DDX21: variants seen among roughly 807,000 people sequenced by gnomAD.
The protein encoded by DDX21 is nucleolar RNA helicase 2.
In DDX21, 18 loss-of-function variants were observed where a neutral mutation model predicts 90.0. The observed-to-expected ratio is 0.20, with a 90% confidence interval of 0.14 to 0.30. The LOEUF is 0.30. DDX21 is among the 10% of genes least tolerant of loss of function. DDX21 has a pLI of 1.00. For missense variants in DDX21, 673 were observed against 944.5 expected, an observed-to-expected ratio of 0.71 and a Z score of 3.77; for synonymous variants, 294 against 318.0, an observed-to-expected ratio of 0.92 and a Z score of 0.80.
intron 8 of DDX21, among the ~76,000 whole-genome samples, chr10:68,971,140 T>A (rs1843022561): frequency 6.6e-6 from 1 of 151,774 alleles, no homozygotes; most frequent in African/African-American, 2.4e-5. Context: ...ATGTGCCACA[T>A]ATTATCATTT....
At chr10:68,972,517 G>A (rs371176029) in intron 9 of DDX21, among the ~76,000 whole-genome samples, 1 of 152,124 alleles carries the variant, frequency 6.6e-6, no homozygotes, top group East Asian at 1.9e-4. Context: ...TTGTTCCAAA[G>A]GTATTCCAAT....
At chr10:68,970,485 C>CT (rs35874790) in intron 8 of DDX21, 135 bp downstream of exon 8, 67,620 of 528,444 alleles carry the variant, frequency 0.13, 1,776 homozygotes, top group African/African-American at 0.15. Flanking sequence ...GAGGAAGCTA[C>CT]TTTTTTTTTT....
chr10:68,956,192 G>T lies in DDX21; in HGVS notation c.-34G>T, dbSNP rs766700538. ...TACCTCTTCCTCTCCACGCGGTTGAGAAGACCGGTCGGCCTGGGCAACCTG... is the reference window on the plus strand; with the variant it reads ...TACCTCTTCCTCTCCACGCGGTTGATAAGACCGGTCGGCCTGGGCAACCTG... On this transcript the variant is annotated 5_prime_UTR_variant, in exon 1 of 15. Coordinates refer to ENST00000354185, the MANE Select transcript of DDX21 (RefSeq NM_004728.4). 3.7e-6 allele frequency: 6 copies of T among 1,610,794 alleles called. No homozygotes were observed. In the South Asian group the frequency reaches 4.4e-5, roughly 12 times the overall value.
rs775301336 is a variant in DDX21, at chr10:68,981,562, C to G, written c.2063C>G (p.Ala688Gly). Residue 688 changes from alanine to glycine, a missense_variant, in exon 14 of 15, where the codon GCA (alanine) becomes GGA (glycine). By Grantham distance (60) the Ala-to-Gly change is moderately conservative (BLOSUM62 0). Around this residue, in one of 4 missense-constraint regions of DDX21, gnomAD observed 225 missense variants for 298.8 expected, o/e 0.75. Coordinates refer to ENST00000354185, the MANE Select transcript of DDX21 (RefSeq NM_004728.4). ...KLGVCFDVPT[A>G]SVTEIQEKWH... is the part of the protein sequence containing the mutation. ...GGTGTTTGCTTTGATGTACCTACCG[C>G]ATCAGTAACAGAAATACAGGTATTC... The G allele has an allele frequency of 6.2e-7, 1 of 1,612,714 alleles. No individual in the cohort carries two copies. Among genetic ancestry groups the G allele is most frequent in the Non-Finnish European group, 8.5e-7 (1 of 1,179,522 alleles).
chr10:68,979,314 T>G (rs1273145190), intron 13 of DDX21, among the ~76,000 whole-genome samples: 1 of 152,176 alleles, frequency 6.6e-6, no homozygotes, highest in Admixed American at 6.5e-5. Flanking sequence ...GAATTCAAAT[T>G]AAAAATGAAA....
Position 68,978,891 on chromosome 10 carries a change from G to A in DDX21, c.1952G>A (p.Ser651Asn). 1 of 1,614,146 alleles carries A rather than the reference G, an allele frequency of 6.2e-7. No homozygotes were observed. The highest frequency in any genetic ancestry group is 1.1e-5 in the South Asian group (1 of 91,072). Residue 651 changes from serine (S) to asparagine (N), a missense_variant, in exon 13 of 15, where the codon AGT (serine) becomes AAT (asparagine). Transcript: ENST00000354185. ...TGCTCAATTGAAATGCCAAATATTA[G>A]TTATGCTTGGAAAGAACTTAAAGAG... ...LQCSIEMPNI[S>N]YAWKELKEQL...
chr10:68,973,823 C>T (rs904156451), intron 10 of DDX21, among the ~76,000 whole-genome samples, 159 bp downstream of exon 10: 5 of 151,962 alleles, frequency 3.3e-5, no homozygotes, highest in African/African-American at 1.2e-4. Flanking sequence ...GATAAAAGGC[C>T]CATTCTGAAG....
chr10:68,968,900 G>A (rs1842980423), intron 6 of DDX21, 76 bp from the exon 7 acceptor site: 20 of 1,518,490 alleles, frequency 1.3e-5, no homozygotes, highest in Admixed American at 4.0e-5. Context: ...GACTGTGGAA[G>A]TATTAGGTTA....
chr10:68,974,685 C>T lies in DDX21; in HGVS notation c.1684C>T (p.Arg562Ter), dbSNP rs1291688259. 1 of 1,613,876 alleles carries T rather than the reference C, an allele frequency of 6.2e-7. No individual in the cohort carries two copies. Among genetic ancestry groups the T allele is most frequent in the Non-Finnish European group, 8.5e-7 (1 of 1,179,906 alleles). The change falls in exon 11 of 15, where the codon CGA becomes TGA. Residue 562 changes from arginine to a stop codon, truncating the protein, a stop_gained. Transcript: ENST00000354185. LOFTEE classifies it high-confidence loss of function. ...VEQKAGIKFK[R>*]IGVPSATEII... ...TTTCCTGTAGGGAATTAAGTTCAAA[C>T]GAATAGGTGTTCCTTCTGCAACAGA... is the stretch of plus-strand genomic sequence containing the variant.
At chr10:68,960,303 A>G (rs1205493029) in intron 2 of DDX21, 54 bp downstream of exon 2, 3 of 1,519,250 alleles carry the variant, frequency 2.0e-6, no homozygotes, top group Non-Finnish European at 2.6e-6. Flanking sequence ...TTTCAGATAA[A>G]TAAGTAGGTA....
Position 68,984,482 on chromosome 10 carries a change from A to T in DDX21, c.*1670A>T, listed in dbSNP as rs563279519. On this transcript the variant is annotated 3_prime_UTR_variant, in exon 15 of 15. Coordinates refer to ENST00000354185, the MANE Select transcript of DDX21 (RefSeq NM_004728.4). ...CCTTGATCCACTTGCCAGTTTTATC[A>T]CTTTACCCTTGTTCCTCATGGCTTC... 6.6e-6 allele frequency: 1 copy of T among 152,278 alleles called. No individual in the cohort carries two copies. Among genetic ancestry groups the T allele is most frequent in the East Asian group, 1.9e-4 (1 of 5,192 alleles). The allele number at this position is 152,278 out of a possible 1,614,324, so 9.4% of individuals were successfully genotyped here.
chr10:68,957,377 A>G (rs1233727545), intron 1 of DDX21, among the ~76,000 whole-genome samples: 1 of 152,088 alleles, frequency 6.6e-6, no homozygotes, highest in African/African-American at 2.4e-5. Context: ...GTTGCTTCCT[A>G]GTGATTTAAC....
At chr10:68,969,852 G>A (rs572996015) in intron 7 of DDX21, among the ~76,000 whole-genome samples, 1 of 152,236 alleles carries the variant, frequency 6.6e-6, no homozygotes, top group East Asian at 1.9e-4. Context: ...TAAATGAAAA[G>A]GCAAAACATA....
At chr10:68,977,867 G>T (rs1053349773) in intron 12 of DDX21, among the ~76,000 whole-genome samples, 179 bp downstream of exon 12, 3 of 152,106 alleles carry the variant, frequency 2.0e-5, no homozygotes, top group African/African-American at 7.2e-5. Flanking sequence ...CAGCCCTTTG[G>T]GAGGCACAGG....
In DDX21 at chr10:68,956,233, G is replaced by A; in HGVS notation, c.8G>A (p.Gly3Glu). Reference sequence around the variant, plus strand: ...GGGCAACCTGCGCTGAAGATGCCGGGAAAACTCCGTAGTGACGCTGGTTTG... The same window carrying A: ...GGGCAACCTGCGCTGAAGATGCCGGAAAAACTCCGTAGTGACGCTGGTTTG... Reference protein sequence around the residue: MPGKLRSDAGLES... With the variant: MPEKLRSDAGLES... The change falls in exon 1 of 15, where the codon GGA (glycine) becomes GAA (glutamate). Residue 3 changes from glycine to glutamate, a missense_variant. Around this residue, in one of 4 missense-constraint regions of DDX21, gnomAD observed 204 missense variants for 221.6 expected, o/e 0.92. Coordinates refer to ENST00000354185, the MANE Select transcript of DDX21 (RefSeq NM_004728.4). The A allele has an allele frequency of 1.9e-6, 3 of 1,614,074 alleles. No individual in the cohort carries two copies. Among genetic ancestry groups the A allele is most frequent in the Non-Finnish European group, 2.5e-6 (3 of 1,179,990 alleles).
intron 9 of DDX21, 119 bp from the exon 10 acceptor site, chr10:68,973,426 C>A: frequency 8.0e-7 from 1 of 1,254,100 alleles, no homozygotes; most frequent in Non-Finnish European, 1.1e-6. Flanking sequence ...AAGGGACCTT[C>A]TCCCTCATGT....
In DDX21 at chr10:68,968,974, A is replaced by C; in HGVS notation, c.1091-2A>C. On this transcript the variant is annotated splice_acceptor_variant, in intron 6 of 14. Coordinates refer to ENST00000354185, the MANE Select transcript of DDX21 (RefSeq NM_004728.4). LOFTEE classifies it high-confidence loss of function. ...TGACTTTTTTTTTCCCCCTCCTCAA[A>C]GATTCTGAAGACAATCCCCAAACAT... The C allele has an allele frequency of 1.2e-6, 2 of 1,611,630 alleles. No homozygotes were observed. Among genetic ancestry groups the C allele is most frequent in the Non-Finnish European group, 1.7e-6 (2 of 1,179,254 alleles).
chr10:68,974,018 T>C (rs962209635), intron 10 of DDX21, among the ~76,000 whole-genome samples: 3 of 152,198 alleles, frequency 2.0e-5, no homozygotes, highest in Non-Finnish European at 4.4e-5. Context: ...TCCAGGAGAA[T>C]TGGAATAGTG....
chr10:68,962,071 T>C lies in DDX21; in HGVS notation c.532-11T>C, dbSNP rs1408913650. The C allele has an allele frequency of 6.2e-7, 1 of 1,603,130 alleles. No homozygotes were observed. Among genetic ancestry groups the C allele is most frequent in the Non-Finnish European group, 8.5e-7 (1 of 1,173,074 alleles). On this transcript the variant is annotated splice_polypyrimidine_tract_variant and intron_variant, in intron 2 of 14. Transcript: ENST00000354185. ...ATTATTGATTTCTTTCTATGGCCCTTTACTTGATAGGAAATACCTGTGGAA... is the reference window on the plus strand; with the variant it reads ...ATTATTGATTTCTTTCTATGGCCCTCTACTTGATAGGAAATACCTGTGGAA...
Sources: gnomAD v4.1 joint callset for allele counts (sites outside exome capture counted in the v4.1 genomes callset) on GRCh38, gnomAD v4.1.1 for gene constraint, gnomAD v4.1.1 regional missense constraint, MANE v1.5 for transcripts, NCBI Gene and HGNC (gene_info 2026-07-23, HGNC 2026-07-21) for gene names.